The following PAX8 variants were observed in gnomAD, a reference collection of about 807,000 sequenced individuals.
PAX8 encodes paired box 8.
In PAX8, 15 loss-of-function variants were observed where a neutral mutation model predicts 52.4. The observed-to-expected ratio is 0.29, with a 90% confidence interval of 0.19 to 0.44. PAX8 has a LOEUF of 0.44. PAX8 is among the 20% of genes least tolerant of loss of function. PAX8 has a pLI of 1.00. For synonymous variants in PAX8, 284 were observed against 249.7 expected (o/e 1.14, Z -1.29); for missense variants, 554 against 602.5 (o/e 0.92, Z 0.84).
chr2:113,242,002 A>G lies in PAX8; in HGVS notation c.601+6T>C. On this transcript the variant is annotated splice_donor_region_variant and intron_variant, in intron 6 of 11. Coordinates refer to ENST00000429538, the MANE Select transcript of PAX8 (RefSeq NM_003466.4). ...CCGCCCGCTGCCCTCCTGTCCCAGC[A>G]CTCACTGTCATCCATTTTCCTCTTG... 1 of 1,613,364 alleles carries G rather than the reference A, an allele frequency of 6.2e-7. No individual in the cohort carries two copies. The highest frequency in any genetic ancestry group is 8.5e-7 in the Non-Finnish European group (1 of 1,179,684).
intron 4 of PAX8, 58 bp from the exon 5 acceptor site, chr2:113,242,836 T>C (rs1690977643): frequency 7.3e-7 from 1 of 1,372,854 alleles, no homozygotes; most frequent in Non-Finnish European, 1.0e-6. Flanking sequence ...AACTCATGGC[T>C]GCCCCAGACC....
intron 2 of PAX8, among the ~76,000 whole-genome samples, chr2:113,256,332 G>A (rs900987699): frequency 3.9e-5 from 6 of 152,210 alleles, no homozygotes; most frequent in South Asian, 2.1e-4. Flanking sequence ...TTTAGAGGAA[G>A]AGCCTGTGGA....
At chr2:113,264,579 T>C (rs1264459203) in intron 2 of PAX8, among the ~76,000 whole-genome samples, 1 of 152,200 alleles carries the variant, frequency 6.6e-6, no homozygotes. Flanking sequence ...TCACTCCTTA[T>C]GTAGGATTTT....
At chr2:113,258,576 G>C (rs896455844) in intron 2 of PAX8, among the ~76,000 whole-genome samples, 1 of 152,144 alleles carries the variant, frequency 6.6e-6, no homozygotes, top group Non-Finnish European at 1.5e-5. Flanking sequence ...TTGCATGACT[G>C]CTCAGGTTCT....
intron 10 of PAX8, among the ~76,000 whole-genome samples, chr2:113,224,317 C>T (rs188282091): frequency 1.3e-5 from 2 of 152,158 alleles, no homozygotes; most frequent in Non-Finnish European, 2.9e-5. Flanking sequence ...GAGGCCAAGG[C>T]GGGCAGATTG....
intron 2 of PAX8, chr2:113,273,925 CA>C (rs1693633390): frequency 1.3e-5 from 2 of 152,122 alleles, no homozygotes; most frequent in Non-Finnish European, 2.9e-5. Flanking sequence ...TCAATAAAAG[CA>C]GGCAAGATTT....
At chr2:113,277,161 C>T (rs934702193) in intron 2 of PAX8, among the ~76,000 whole-genome samples, 4 of 152,200 alleles carry the variant, frequency 2.6e-5, no homozygotes, top group Non-Finnish European at 4.4e-5. Flanking sequence ...CTTCTGGGGG[C>T]AGCCGGACGA....
intron 2 of PAX8, among the ~76,000 whole-genome samples, chr2:113,257,612 A>T (rs143263814): frequency 1.3e-5 from 2 of 152,286 alleles, no homozygotes; most frequent in African/African-American, 2.4e-5. Context: ...GAGATAGAGG[A>T]TGGATAAAGA....
intron 2 of PAX8, among the ~76,000 whole-genome samples, chr2:113,255,194 G>T (rs1212927496): frequency 7.2e-6 from 1 of 138,464 alleles, no homozygotes; most frequent in African/African-American, 2.7e-5. Context: ...GAGGAATAGA[G>T]GGAAGGAGAG....
chr2:113,237,857 A>C (rs1443595145), intron 7 of PAX8: 1 of 152,180 alleles, frequency 6.6e-6, no homozygotes, highest in African/African-American at 2.4e-5. Flanking sequence ...CACTAAAGGC[A>C]ATTGTTTTCA....
intron 7 of PAX8, chr2:113,238,767 G>T (rs1371027030): frequency 6.6e-6 from 1 of 152,174 alleles, no homozygotes; most frequent in Non-Finnish European, 1.5e-5. Context: ...TACTTTATGA[G>T]GCTGACGTAA....
chr2:113,258,635 G>A (rs1438981748), intron 2 of PAX8, among the ~76,000 whole-genome samples: 2 of 152,154 alleles, frequency 1.3e-5, no homozygotes, highest in African/African-American at 4.8e-5. Flanking sequence ...TGTTATTCTT[G>A]TATTAGCATT....
In PAX8 at chr2:113,241,654, G is replaced by A. The variant is rs775083174; in HGVS notation, c.674C>T (p.Thr225Met). The A allele has an allele frequency of 3.3e-5, 53 of 1,614,000 alleles. No individual in the cohort carries two copies. Among genetic ancestry groups the A allele is most frequent in the Middle Eastern group, 3.3e-4 (2 of 6,078 alleles). The change falls in exon 7 of 12, where the codon ACG becomes ATG. Residue 225 changes from threonine to methionine, a missense_variant. Physicochemically the swap from Thr to Met is moderately conservative, Grantham distance 81. Around this residue, in one of 2 missense-constraint regions of PAX8, gnomAD observed 445 missense variants for 409.9 expected, o/e 1.09. Coordinates refer to ENST00000429538, the MANE Select transcript of PAX8 (RefSeq NM_003466.4). ...SSSGPRKHLRTDAFSQHHLEP... is the reference protein window; with the variant it reads ...SSSGPRKHLRMDAFSQHHLEP... ...GAGGTGGTGCTGGCTGAAGGCATCC[G>A]TGCGAAGGTGCTTTCGGGGTCCGCT...
chr2:113,251,704 A>T (rs1156936090), intron 2 of PAX8, among the ~76,000 whole-genome samples: 1 of 152,176 alleles, frequency 6.6e-6, no homozygotes, highest in Non-Finnish European at 1.5e-5. Flanking sequence ...TTCATCCTTT[A>T]TAGAGCTCTG....
rs145011988 is a variant in PAX8, at chr2:113,251,962, T to C, written c.26-5043A>G. The stretch of plus-strand genomic sequence containing the variant: ...TAATTAGTGTTTTCTTATATACAAG[T>C]GATAGAAAAATGGTTTACATTGGTT... On this transcript the variant is annotated intron_variant, in intron 2 of 11. Transcript: ENST00000429538. Among the ~76,000 whole-genome samples the C allele has an allele frequency of 5.4e-4, 82 of 152,322 alleles. 1 individual carries two copies. The highest frequency in any genetic ancestry group is 1.8e-3 in the African/African-American group (74 of 41,570).
At chr2:113,250,202 G>C (rs1691654601) in intron 2 of PAX8, among the ~76,000 whole-genome samples, 1 of 147,938 alleles carries the variant, frequency 6.8e-6, no homozygotes. Context: ...GCAAGGCAGA[G>C]CTTGCAGTGA....
chr2:113,262,374 G>A (rs12478795), intron 2 of PAX8, among the ~76,000 whole-genome samples: 32,861 of 151,946 alleles, frequency 0.22, 3,670 homozygotes, highest in Non-Finnish European at 0.24. Context: ...GCTTGGGAGG[G>A]GGAGTCCCCT....
chr2:113,259,511 G>A (rs1052851602), intron 2 of PAX8: 1 of 152,696 alleles, frequency 6.5e-6, no homozygotes, highest in African/African-American at 2.4e-5. Context: ...GCTTTGCAGT[G>A]GGTAGAGCAG....
At chr2:113,262,435 C>T (rs1692757474) in intron 2 of PAX8, among the ~76,000 whole-genome samples, 1 of 152,208 alleles carries the variant, frequency 6.6e-6, no homozygotes. Flanking sequence ...TCACCTTCCC[C>T]TTCTTTTTCT....
Sources: gnomAD v4.1 joint callset for allele counts (sites outside exome capture counted in the v4.1 genomes callset) on GRCh38, gnomAD v4.1.1 for gene constraint, gnomAD v4.1.1 regional missense constraint, MANE v1.5 for transcripts, NCBI Gene and HGNC (gene_info 2026-07-23, HGNC 2026-07-21) for gene names.